Variants in MUC7 observed in about 807,000 individuals in gnomAD.
MUC7 encodes mucin 7, secreted.
In MUC7, 2 loss-of-function variants were observed where a neutral mutation model predicts 2.5. The observed-to-expected ratio is 0.81, with a 90% confidence interval of 0.33 to 2.55. The LOEUF is 2.55. Ranked by LOEUF, MUC7 falls within the 30% of genes most tolerant of loss-of-function variation. The pLI, the probability that MUC7 is intolerant of heterozygous loss-of-function variation, is 0.11. For synonymous variants in MUC7, 133 were observed against 173.4 expected (o/e 0.77, Z 1.83); for missense variants, 408 against 455.6 (o/e 0.90, Z 0.95).
intron 1 of MUC7, among the ~76,000 whole-genome samples, chr4:70,454,797 G>A (rs1206047973): frequency 2.0e-5 from 3 of 152,112 alleles, no homozygotes; most frequent in Non-Finnish European, 2.9e-5. Flanking sequence ...ATGCAGAAGC[G>A]GGTTTCAAGA....
intron 1 of MUC7, among the ~76,000 whole-genome samples, chr4:70,448,624 A>AT (rs1290799732): frequency 6.6e-6 from 1 of 151,972 alleles, no homozygotes; most frequent in Non-Finnish European, 1.5e-5. Context: ...AAATTATTAG[A>AT]TTTTTTCCTA....
intron 1 of MUC7, among the ~76,000 whole-genome samples, chr4:70,431,114 TAAG>T (rs1733650855): frequency 6.6e-6 from 1 of 151,688 alleles, no homozygotes. Flanking sequence ...AAACTCCAAA[TAAG>T]AAGAAAAAAA....
intron 1 of MUC7, among the ~76,000 whole-genome samples, chr4:70,473,076 A>G (rs1234273947): frequency 2.0e-5 from 3 of 152,180 alleles, no homozygotes; most frequent in Non-Finnish European, 4.4e-5. Flanking sequence ...TTAAGTCTGC[A>G]CTATGTACTA....
At chr4:70,477,804 A>C (rs1208235356) in intron 2 of MUC7, among the ~76,000 whole-genome samples, 1 of 152,206 alleles carries the variant, frequency 6.6e-6, no homozygotes, top group African/African-American at 2.4e-5. Context: ...ACCACTCAGA[A>C]TAGGGCCTAA....
At chr4:70,467,994 T>C (rs1393082922), upstream of MUC7, among the ~76,000 whole-genome samples, 1 of 152,140 alleles carries the variant, frequency 6.6e-6, no homozygotes, top group Non-Finnish European at 1.5e-5. Flanking sequence ...TGAACATCGA[T>C]GCAAAAATCC....
At chr4:70,441,272 T>A (rs1044712814) in intron 1 of MUC7, among the ~76,000 whole-genome samples, 7 of 152,134 alleles carry the variant, frequency 4.6e-5, no homozygotes, top group Admixed American at 3.9e-4. Context: ...TATAAATATC[T>A]TATCACATAG....
In MUC7 at chr4:70,458,051, A is replaced by G. The variant is rs144156974; in HGVS notation, c.-92-14164A>G. Among the ~76,000 whole-genome samples, 675 of 152,224 alleles carry G rather than the reference A, an allele frequency of 4.4e-3. 2 individuals carry two copies. Among genetic ancestry groups the G allele is most frequent in the Non-Finnish European group, 7.8e-3 (528 of 67,970 alleles). On this transcript the variant is annotated intron_variant, in intron 1 of 3. Coordinates refer to the MUC7 transcript ENST00000413702. ...ATGAGGGAAAAAAAAGTAGCGATTA[A>G]TCTCTCCGATGAATATAGATGAAAC...
At chr4:70,460,738 G>A (rs1323905896) in intron 1 of MUC7, among the ~76,000 whole-genome samples, 1 of 152,158 alleles carries the variant, frequency 6.6e-6, no homozygotes, top group Non-Finnish European at 1.5e-5. Flanking sequence ...CCAGCACTGT[G>A]CTGCTATGGC....
At chr4:70,477,508 G>A (rs185014255) in intron 2 of MUC7, among the ~76,000 whole-genome samples, 1 of 151,972 alleles carries the variant, frequency 6.6e-6, no homozygotes, top group East Asian at 1.9e-4. Context: ...AGAGAATTTG[G>A]CATTCCTCTA....
At chr4:70,473,482 T>C (rs1018518300) in intron 1 of MUC7, among the ~76,000 whole-genome samples, 3 of 151,068 alleles carry the variant, frequency 2.0e-5, no homozygotes, top group African/African-American at 7.3e-5. Context: ...GATTATCAAA[T>C]GGCAAAATCT....
intron 1 of MUC7, among the ~76,000 whole-genome samples, chr4:70,450,134 G>A (rs1192090749): frequency 6.6e-6 from 1 of 152,188 alleles, no homozygotes; most frequent in Non-Finnish European, 1.5e-5. Context: ...CTGTTCTATT[G>A]TACTGCAGCA....
At chr4:70,437,020 C>T (rs1733859506) in intron 1 of MUC7, among the ~76,000 whole-genome samples, 1 of 152,170 alleles carries the variant, frequency 6.6e-6, no homozygotes, top group Non-Finnish European at 1.5e-5. Flanking sequence ...CTGGGTATCA[C>T]CAGCAGAGGC....
At chr4:70,446,841 A>C (rs917217705) in intron 1 of MUC7, among the ~76,000 whole-genome samples, 3 of 152,228 alleles carry the variant, frequency 2.0e-5, no homozygotes, top group Non-Finnish European at 4.4e-5. Context: ...TGGTTCTTTC[A>C]GAAATCAAAA....
intron 1 of MUC7, among the ~76,000 whole-genome samples, chr4:70,460,131 T>G (rs1021992836): frequency 1.6e-4 from 25 of 152,084 alleles, no homozygotes; most frequent in Admixed American, 1.0e-3. Context: ...GATCCTTCGC[T>G]GCTTTAGAAG....
At chr4:70,446,637 G>T (rs1479993489) in intron 1 of MUC7, among the ~76,000 whole-genome samples, 2 of 152,154 alleles carry the variant, frequency 1.3e-5, no homozygotes, top group African/African-American at 4.8e-5. Context: ...TCCAAATAAG[G>T]CCACATTCTG....
Position 70,481,267 on chromosome 4 carries a change from A to T in MUC7, c.523A>T (p.Thr175Ser). The T allele has an allele frequency of 2.5e-6, 4 of 1,613,638 alleles. No homozygotes were observed. Among genetic ancestry groups the T allele is most frequent in the Non-Finnish European group, 3.4e-6 (4 of 1,179,842 alleles). The stretch of plus-strand genomic sequence containing the variant: ...AGCTGCCCCACCCACACCTTCTGCA[A>T]CTACACCAGCTCCACCATCTTCCTC... ...TTAAPPTPSA[T>S]TPAPPSSSAP... Residue 175 changes from threonine (T) to serine (S), a missense_variant, in exon 3 of 3, where the codon ACT becomes TCT. Physicochemically the swap from Thr to Ser is moderately conservative, Grantham distance 58. This residue lies in a region of MUC7 where 225 missense variants were observed against 240.5 expected (regional missense o/e 0.94). Transcript: ENST00000304887.
At chr4:70,436,378 T>A (rs1440292794) in intron 1 of MUC7, among the ~76,000 whole-genome samples, 2 of 152,214 alleles carry the variant, frequency 1.3e-5, no homozygotes, top group African/African-American at 4.8e-5. Flanking sequence ...GTCCCATATT[T>A]CCTGGAGGCT....
chr4:70,452,710 A>G (rs1205418130), intron 1 of MUC7, among the ~76,000 whole-genome samples: 2 of 152,226 alleles, frequency 1.3e-5, no homozygotes, highest in Non-Finnish European at 2.9e-5. Flanking sequence ...CATTTAAGAT[A>G]TGAGCAGTGT....
At chr4:70,434,542 A>G (rs1380909782) in intron 1 of MUC7, among the ~76,000 whole-genome samples, 1 of 152,146 alleles carries the variant, frequency 6.6e-6, no homozygotes, top group Non-Finnish European at 1.5e-5. Context: ...GGTAGCTTAT[A>G]TTTCTGTGAG....
Sources: allele counts gnomAD v4.1 joint callset (sites outside exome capture counted in the v4.1 genomes callset), GRCh38; gene constraint gnomAD v4.1.1; regional missense constraint gnomAD v4.1.1; transcripts MANE v1.5; gene names NCBI Gene and HGNC (gene_info 2026-07-23, HGNC 2026-07-21).